PLS1: variants seen among roughly 807,000 people sequenced by gnomAD.
PLS1 encodes plastin 1, also known as plastin-1.
A neutral mutation model predicts 73.7 loss-of-function variants in PLS1; 32 were observed. The ratio of observed to expected loss-of-function variants is 0.43; its 90% CI spans 0.33 to 0.58. The LOEUF is 0.58. Ranked by LOEUF, PLS1 falls within the 20% of genes least tolerant of loss-of-function variation. PLS1 has a pLI of 0.04. For synonymous variants in PLS1, 217 were observed against 261.3 expected (o/e 0.83, Z 1.63); for missense variants, 633 against 740.5 (o/e 0.85, Z 1.68).
chr3:142,678,114 G>T lies in PLS1; in HGVS notation c.579+1G>T. 1 of 1,460,902 alleles carries T rather than the reference G, an allele frequency of 6.8e-7. No homozygotes were observed. Among genetic ancestry groups the T allele is most frequent in the South Asian group, 1.3e-5 (1 of 79,438 alleles). 90.5% of individuals were successfully genotyped at this position (1,460,902 alleles called of 1,614,324 possible). On this transcript the variant is annotated splice_donor_variant, in intron 6 of 15. Coordinates refer to ENST00000457734, the MANE Select transcript of PLS1 (RefSeq NM_001145319.2). LOFTEE classifies it high-confidence loss of function. ...AAAGCTCACGCCATTCACTATTTCT[G>T]TAAGTATTTGCCCTTTGCTTATTAT...
At chr3:142,614,369 T>G (rs2036177319) in intron 1 of PLS1, among the ~76,000 whole-genome samples, 1 of 151,188 alleles carries the variant, frequency 6.6e-6, no homozygotes, top group Admixed American at 6.6e-5. Flanking sequence ...GTATGCTCTG[T>G]GGAAGAAGGC....
intron 10 of PLS1, among the ~76,000 whole-genome samples, chr3:142,692,905 A>G (rs1053138937): frequency 6.6e-6 from 1 of 152,114 alleles, no homozygotes; most frequent in African/African-American, 2.4e-5. Flanking sequence ...CAAAGGCATC[A>G]AGTTATTGAT....
intron 4 of PLS1, among the ~76,000 whole-genome samples, chr3:142,674,874 T>G (rs1261064566): frequency 6.6e-6 from 1 of 151,888 alleles, no homozygotes; most frequent in African/African-American, 2.4e-5. Context: ...GGATTACAGG[T>G]GCCTGCCACC....
intron 6 of PLS1, among the ~76,000 whole-genome samples, chr3:142,681,988 C>T (rs2037866423): frequency 6.6e-6 from 1 of 152,174 alleles, no homozygotes; most frequent in Non-Finnish European, 1.5e-5. Flanking sequence ...ATGACCAACA[C>T]AACCCGTTGA....
chr3:142,698,895 A>G (rs547301832), intron 12 of PLS1, among the ~76,000 whole-genome samples: 1 of 152,362 alleles, frequency 6.6e-6, no homozygotes, highest in Non-Finnish European at 1.5e-5. Context: ...AGCAATGTTT[A>G]TACAGCACAC....
rs2038083510 is a variant in PLS1 at position 142,691,396 on chromosome 3, T to C, written c.1177+1583T>C. Among the ~76,000 whole-genome samples, 5 of 152,302 alleles carry C rather than the reference T, an allele frequency of 3.3e-5. No individual in the cohort carries two copies. The South Asian group carries it at 1.0e-3, about 32-fold the overall frequency. On this transcript the variant is annotated intron_variant, in intron 10 of 15. Coordinates refer to ENST00000457734, the MANE Select transcript of PLS1 (RefSeq NM_001145319.2). ...GCAAAAGCAACACTGTTAGGTTTTA[T>C]CAGTCTGGAAAATTTCAAAATCCCT...
chr3:142,674,271 G>A (rs935093608), intron 4 of PLS1, among the ~76,000 whole-genome samples: 5 of 152,116 alleles, frequency 3.3e-5, no homozygotes, highest in African/African-American at 7.2e-5. Context: ...CTTCTAAGGA[G>A]GTGTGTATGA....
At chr3:142,615,093 G>C (rs2036191442) in intron 1 of PLS1, among the ~76,000 whole-genome samples, 1 of 152,166 alleles carries the variant, frequency 6.6e-6, no homozygotes, top group African/African-American at 2.4e-5. Context: ...AGGGTAGAGT[G>C]GGGGTAGTTA....
At chr3:142,680,505 C>T (rs1003891521) in intron 6 of PLS1, among the ~76,000 whole-genome samples, 6 of 152,312 alleles carry the variant, frequency 3.9e-5, no homozygotes, top group Admixed American at 6.5e-5. Flanking sequence ...TATTAATGAA[C>T]ACCTGTTTGA....
At chr3:142,656,685 C>T (rs1365622794) in intron 1 of PLS1, 1 of 152,098 alleles carries the variant, frequency 6.6e-6, no homozygotes, top group African/African-American at 2.4e-5. Context: ...TCAACTATTT[C>T]ATAGCTGTTT....
chr3:142,639,176 C>T (rs902042151), intron 1 of PLS1, among the ~76,000 whole-genome samples: 8 of 152,166 alleles, frequency 5.3e-5, no homozygotes, highest in African/African-American at 1.2e-4. Context: ...GGTAGCAGTA[C>T]GTTTTCAGAA....
Position 142,669,563 on chromosome 3 carries a change from CTAAT to C in PLS1, c.234+11_234+14del. ...TGAAGAGTTTGTGTCAGTAAGTAATCTAATCCTTTCGGGCTACTGATAATCTTGC... is the reference window on the plus strand; with the variant it reads ...TGAAGAGTTTGTGTCAGTAAGTAATCCCTTTCGGGCTACTGATAATCTTGC... On this transcript the variant is annotated intron_variant, in intron 3 of 15. Coordinates refer to ENST00000457734, the MANE Select transcript of PLS1 (RefSeq NM_001145319.2). 6.2e-7 allele frequency: 1 copy of C among 1,600,936 alleles called. No individual in the cohort carries two copies. The highest frequency in any genetic ancestry group is 1.3e-5 in the African/African-American group (1 of 74,726).
intron 1 of PLS1, among the ~76,000 whole-genome samples, chr3:142,598,054 C>A (rs1251459618): frequency 6.6e-6 from 1 of 152,164 alleles, no homozygotes; most frequent in Admixed American, 6.5e-5. Flanking sequence ...GCTCATGCTG[C>A]AAGGTGTAGC....
At chr3:142,667,075 C>T (rs2037493887) in intron 2 of PLS1, among the ~76,000 whole-genome samples, 1 of 152,110 alleles carries the variant, frequency 6.6e-6, no homozygotes, top group Non-Finnish European at 1.5e-5. Context: ...ATTTCCTCAC[C>T]TTTAAAATGG....
At chr3:142,615,014 G>T (rs998740523) in intron 1 of PLS1, among the ~76,000 whole-genome samples, 1 of 152,070 alleles carries the variant, frequency 6.6e-6, no homozygotes, top group Non-Finnish European at 1.5e-5. Flanking sequence ...GCATCCATCT[G>T]CAGGATCTGG....
chr3:142,604,487 T>C (rs899932054), intron 1 of PLS1, among the ~76,000 whole-genome samples: 1 of 152,148 alleles, frequency 6.6e-6, no homozygotes, highest in Non-Finnish European at 1.5e-5. Context: ...TTTTAAGTGT[T>C]AATCAGGTCA....
At chr3:142,620,830 CA>C (rs2036301150) in intron 1 of PLS1, among the ~76,000 whole-genome samples, 1 of 151,986 alleles carries the variant, frequency 6.6e-6, no homozygotes, top group Non-Finnish European at 1.5e-5. Context: ...ACCAGCTGGC[CA>C]ACATAGTGAA....
At chr3:142,612,491 A>G (rs1247645177) in intron 1 of PLS1, among the ~76,000 whole-genome samples, 1 of 152,226 alleles carries the variant, frequency 6.6e-6, no homozygotes, top group African/African-American at 2.4e-5. Context: ...TCCACTGTAG[A>G]TATAGCCTTA....
chr3:142,679,276 A>G (rs2037796392), intron 6 of PLS1, among the ~76,000 whole-genome samples: 1 of 151,004 alleles, frequency 6.6e-6, no homozygotes, highest in African/African-American at 2.4e-5. Flanking sequence ...TCTTTAGTTT[A>G]ATTAGATCCC....
Sources: gnomAD v4.1 joint callset for allele counts (sites outside exome capture counted in the v4.1 genomes callset) on GRCh38, gnomAD v4.1.1 for gene constraint, MANE v1.5 for transcripts, NCBI Gene and HGNC (gene_info 2026-07-23, HGNC 2026-07-21) for gene names.